Variants in SP2 observed in about 807,000 individuals in gnomAD.
The protein encoded by SP2 is Sp2 transcription factor.
SP2 carries 9 observed loss-of-function variants against 50.1 expected under a neutral mutation model. The ratio of observed to expected loss-of-function variants is 0.18; its 90% confidence interval spans 0.11 to 0.31. The LOEUF is 0.31. Ranked by LOEUF, SP2 falls within the 10% of genes least tolerant of loss-of-function variation. The probability of loss-of-function intolerance (pLI) is 1.00; values close to 1 mark genes in which losing one functional copy is unlikely to be tolerated. For synonymous variants in SP2, 313 were observed against 326.6 expected, an observed-to-expected ratio of 0.96 and a Z score of 0.45; for missense variants, 581 against 806.5, an observed-to-expected ratio of 0.72 and a Z score of 3.39.
intron 3 of SP2, among the ~76,000 whole-genome samples, chr17:47,920,003 AT>A (rs1211259127): frequency 6.7e-6 from 1 of 150,152 alleles, no homozygotes; most frequent in African/African-American, 2.5e-5. Flanking sequence ...CGCCCGGCTA[AT>A]TTTTTTTGTA....
In SP2 at chr17:47,927,863, C is replaced by A; in HGVS notation, c.*39C>A. The A allele has an allele frequency of 3.2e-6, 4 of 1,234,050 alleles. No homozygotes were observed. Among genetic ancestry groups the A allele is most frequent in the Non-Finnish European group, 4.7e-6 (4 of 855,238 alleles). 76.4% of individuals were successfully genotyped at this position (1,234,050 alleles called of 1,614,324 possible). A position where few individuals can be genotyped will look rare whatever the true frequency, so the allele number is the denominator to read the frequency against. Reference sequence around the variant, plus strand: ...GGGAGGCCCTGAAGATGCAGTCCCCCACCTGTGTCCTCCCTGGGCCCCTGG... The same window carrying A: ...GGGAGGCCCTGAAGATGCAGTCCCCAACCTGTGTCCTCCCTGGGCCCCTGG... On this transcript the variant is annotated 3_prime_UTR_variant, in exon 7 of 7. Coordinates refer to ENST00000376741, the MANE Select transcript of SP2 (RefSeq NM_003110.6).
At chr17:47,910,276 CAG>C (rs1250625515) in intron 1 of SP2, among the ~76,000 whole-genome samples, 1 of 152,146 alleles carries the variant, frequency 6.6e-6, no homozygotes, top group African/African-American at 2.4e-5. Context: ...AAAAACAAAA[CAG>C]AATAGAAAAA....
chr17:47,914,473 G>A (rs767153500), intron 1 of SP2, among the ~76,000 whole-genome samples: 1 of 152,200 alleles, frequency 6.6e-6, no homozygotes, highest in Non-Finnish European at 1.5e-5. Flanking sequence ...ACTTGGCAGT[G>A]GAGCAGGTGT....
intron 1 of SP2, chr17:47,909,712 C>A: frequency 1.0e-6 from 1 of 983,432 alleles, no homozygotes; most frequent in Non-Finnish European, 1.2e-6. Flanking sequence ...ATGAACCACA[C>A]AGTCAGAATC....
At chr17:47,900,568 G>A (rs545422442) in intron 1 of SP2, among the ~76,000 whole-genome samples, 21 of 152,184 alleles carry the variant, frequency 1.4e-4, no homozygotes, top group Admixed American at 2.0e-4. Flanking sequence ...CTTAAGGTCA[G>A]GAGTTCGAGA....
intron 3 of SP2, among the ~76,000 whole-genome samples, chr17:47,918,136 A>G (rs2143985006): frequency 6.6e-6 from 1 of 152,228 alleles, no homozygotes; most frequent in Middle Eastern, 3.4e-3. Context: ...TTAATATAAA[A>G]AACAGTTCCT....
In SP2 at chr17:47,908,918, A is replaced by G. The variant is rs376802024; in HGVS notation, c.8-6394A>G. Among the ~76,000 whole-genome samples the G allele has an allele frequency of 2.6e-5, 4 of 152,330 alleles. No individual in the cohort carries two copies. In the East Asian group the frequency reaches 7.7e-4, roughly 29 times the overall value. On this transcript the variant is annotated intron_variant, in intron 1 of 6. Coordinates refer to ENST00000376741, the MANE Select transcript of SP2 (RefSeq NM_003110.6). Reference sequence around the variant, plus strand: ...CACCCCATCTCAACATCCTGACTCCAGCAGGGACACATGTCCTGCCTCTGG... The same window carrying G: ...CACCCCATCTCAACATCCTGACTCCGGCAGGGACACATGTCCTGCCTCTGG...
chr17:47,918,048 C>G (rs146073491), intron 3 of SP2, among the ~76,000 whole-genome samples: 1 of 152,066 alleles, frequency 6.6e-6, no homozygotes, highest in African/African-American at 2.4e-5. Flanking sequence ...AGACCCCACA[C>G]TCTTCCATCT....
intron 6 of SP2, 53 bp downstream of exon 6, chr17:47,925,594 C>T (rs1277007776): frequency 2.8e-6 from 4 of 1,430,018 alleles, no homozygotes; most frequent in Non-Finnish European, 3.9e-6. Context: ...ATTCCTGCCT[C>T]TCCTCCCACC....
Position 47,915,406 on chromosome 17 carries a change from T to A in SP2, c.84+18T>A, listed in dbSNP as rs369135417. ...CCACCCAGGCGAGTAGGCAGTGGGC[T>A]CCGAGGGCTTGGGGCTGCAGCATCC... On this transcript the variant is annotated intron_variant, in intron 2 of 6. Transcript: ENST00000376741. The A allele has an allele frequency of 1.2e-4, 194 of 1,588,298 alleles. No homozygotes were observed. The African/African-American group carries it at 2.5e-3, about 20-fold the overall frequency.
chr17:47,898,383 G>A (rs1598091554), intron 1 of SP2: 1 of 152,290 alleles, frequency 6.6e-6, no homozygotes, highest in South Asian at 2.1e-4. Context: ...CAGCTTTTTG[G>A]AGAAGTTGAA....
rs1168548857 is a variant in SP2, at chr17:47,925,396, T to C, written c.1596T>C (p.Cys532=). The C allele has an allele frequency of 6.2e-7, 1 of 1,614,104 alleles. No individual in the cohort carries two copies. Among genetic ancestry groups the C allele is most frequent in the Non-Finnish European group, 8.5e-7 (1 of 1,180,058 alleles). ...AGCACGTGTGCCACATCCCCGACTG[T>C]GGCAAGACGTTCCGTAAGACGTCCT... The part of the protein sequence containing the change: ...KKKHVCHIPD[C]GKTFRKTSLL... Residue 532 remains cysteine, a synonymous_variant, in exon 6 of 7, where the codon TGT becomes TGC. Transcript: ENST00000376741.
chr17:47,900,552 A>G (rs1437067225), intron 1 of SP2, among the ~76,000 whole-genome samples: 3 of 152,158 alleles, frequency 2.0e-5, no homozygotes, highest in African/African-American at 7.2e-5. Context: ...TGAGGCAGGC[A>G]GATCACTTAA....
chr17:47,907,930 G>A (rs574085062), intron 1 of SP2, among the ~76,000 whole-genome samples: 5 of 152,274 alleles, frequency 3.3e-5, no homozygotes, highest in African/African-American at 1.2e-4. Flanking sequence ...CCAAACATCA[G>A]TGGGAAATGC....
chr17:47,920,436 G>A (rs536549553), intron 3 of SP2, among the ~76,000 whole-genome samples: 16 of 152,116 alleles, frequency 1.1e-4, no homozygotes, highest in East Asian at 5.8e-4. Flanking sequence ...ACAGGCGAGC[G>A]CCACCATGCC....
intron 3 of SP2, among the ~76,000 whole-genome samples, chr17:47,920,256 C>T (rs1034148362): frequency 5.3e-5 from 8 of 151,584 alleles, no homozygotes; most frequent in Non-Finnish European, 7.4e-5. Flanking sequence ...GCTGGGATTA[C>T]AGATACCCGC....
At position 47,928,442 on chromosome 17, in the gene SP2, T is replaced by G. The variant is rs1368945915; in HGVS notation, c.*618T>G. The G allele has an allele frequency of 6.5e-6, 1 of 153,332 alleles. No individual in the cohort carries two copies. The highest frequency in any genetic ancestry group is 1.9e-4 in the East Asian group (1 of 5,200). The allele number at this position is 153,332 out of a possible 1,614,324, so 9.5% of individuals were successfully genotyped here. A position where few individuals can be genotyped will look rare whatever the true frequency, so the allele number is the denominator to read the frequency against. On this transcript the variant is annotated 3_prime_UTR_variant, in exon 7 of 7. Transcript: ENST00000376741. ...TTGCCTTATACTCTACTTCAGATGA[T>G]GAACACTGTGTACTGTGTGTGCTTT...
Position 47,928,158 on chromosome 17 carries a change from G to GCC in SP2, c.*337_*338dup, listed in dbSNP as rs1555560831. 1 of 216,530 alleles carries GCC rather than the reference G, an allele frequency of 4.6e-6. No individual in the cohort carries two copies. The highest frequency in any genetic ancestry group is 9.6e-6 in the Non-Finnish European group (1 of 104,478). The allele number at this position is 216,530 out of a possible 1,614,324, so 13.4% of individuals were successfully genotyped here. A position where few individuals can be genotyped will look rare whatever the true frequency, so the allele number is the denominator to read the frequency against. On this transcript the variant is annotated 3_prime_UTR_variant, in exon 7 of 7. Coordinates refer to ENST00000376741, the MANE Select transcript of SP2 (RefSeq NM_003110.6). Reference sequence around the variant, plus strand: ...TTCACTCCGTCGAGGAGCAAAGTGAGCCCCTACCCCCCACCCCGATCCCCG... The same window carrying GCC: ...TTCACTCCGTCGAGGAGCAAAGTGAGCCCCCCTACCCCCCACCCCGATCCCCG...
intron 2 of SP2, 83 bp downstream of exon 2, chr17:47,915,471 A>C: frequency 1.2e-6 from 1 of 823,910 alleles, no homozygotes; most frequent in Non-Finnish European, 1.9e-6. Flanking sequence ...TCACTGTCTC[A>C]CTATAAATAC....
Sources: gnomAD v4.1 joint callset for allele counts (sites outside exome capture counted in the v4.1 genomes callset) on GRCh38, gnomAD v4.1.1 for gene constraint, MANE v1.5 for transcripts, NCBI Gene and HGNC (gene_info 2026-07-23, HGNC 2026-07-21) for gene names.